The following ACO1 variants were observed in gnomAD, a reference collection of about 807,000 sequenced individuals.
ACO1 encodes the protein cytoplasmic aconitate hydratase.
A neutral mutation model predicts 105.1 loss-of-function variants in ACO1; 78 were observed. That is an observed-to-expected ratio of 0.74 (90% confidence interval 0.62 to 0.90). ACO1 has a LOEUF of 0.90. Ranked by LOEUF, ACO1 falls within the 40% of genes least tolerant of loss-of-function variation. The pLI is 0.00. For synonymous variants in ACO1, 364 were observed against 397.4 expected (o/e 0.92, Z 1.00); for missense variants, 965 against 1,111.1 (o/e 0.87, Z 1.87).
rs746948322 is a variant in ACO1 at position 32,425,960 on chromosome 9, C to T, written c.1311C>T (p.Cys437=). Residue 437 remains cysteine, a synonymous_variant, in exon 11 of 21, where the codon TGC becomes TGT. Coordinates refer to ENST00000309951, the MANE Select transcript of ACO1 (RefSeq NM_002197.3). The part of the protein sequence containing the change: ...GSVVIAAITS[C]TNTSNPSVML... ...TGGTCATTGCTGCCATTACTAGCTG[C>T]ACAAACACCAGTAATCCGTCTGTGA... 22 of 1,613,904 alleles carry T rather than the reference C, an allele frequency of 1.4e-5. No individual in the cohort carries two copies. The highest frequency in any genetic ancestry group is 1.6e-5 in the Non-Finnish European group (19 of 1,179,964).
At chr9:32,430,666 T>C (rs963448157) in intron 14 of ACO1, 92 bp downstream of exon 14, 9 of 1,365,536 alleles carry the variant, frequency 6.6e-6, no homozygotes, top group Non-Finnish European at 9.0e-6. Context: ...AAATGAAGCA[T>C]AGAGCCTCCA....
Position 32,451,104 on chromosome 9 carries a change from A to T in ACO1, c.*993A>T, listed in dbSNP as rs1822758543. 6.6e-6 allele frequency: 1 copy of T among 152,112 alleles called. No individual in the cohort carries two copies. Among genetic ancestry groups the T allele is most frequent in the Non-Finnish European group, 1.5e-5 (1 of 67,966 alleles). The allele number at this position is 152,112 out of a possible 1,614,324, so 9.4% of individuals were successfully genotyped here. On this transcript the variant is annotated 3_prime_UTR_variant, in exon 21 of 21. Transcript: ENST00000309951. Reference sequence around the variant, plus strand: ...TAAGGAAAAGCAGATAAACTTCAGGACACTAAAAACCAATTATCTGCTCAT... The same window carrying T: ...TAAGGAAAAGCAGATAAACTTCAGGTCACTAAAAACCAATTATCTGCTCAT...
rs149050504 is a variant in ACO1 at position 32,447,659 on chromosome 9, G to T, written c.2371-1237G>T. 4.0e-3 allele frequency among the ~76,000 whole-genome samples: 608 copies of T among 152,304 alleles called. 4 individuals carry two copies. Among genetic ancestry groups the T allele is most frequent in the African/African-American group, 0.014 (568 of 41,562 alleles). ...AGGAGAAGAGCCATTCTGGTTTTCGGAATGTTCAGCGTTTTTGTGCTGGTT... is the reference window on the plus strand; with the variant it reads ...AGGAGAAGAGCCATTCTGGTTTTCGTAATGTTCAGCGTTTTTGTGCTGGTT... On this transcript the variant is annotated intron_variant, in intron 19 of 20. Transcript: ENST00000309951.
rs568604156 is a variant in ACO1, at chr9:32,433,715, T to G, written c.1852-13T>G. 3 of 1,585,758 alleles carry G rather than the reference T, an allele frequency of 1.9e-6. No homozygotes were observed. In the South Asian group the frequency reaches 3.5e-5, roughly 18 times the overall value. ...GGGATGTGATTAGATCTGCCTTTCTTTTCTTTTTTAAGACTGTGAATGAAA... is the reference window on the plus strand; with the variant it reads ...GGGATGTGATTAGATCTGCCTTTCTGTTCTTTTTTAAGACTGTGAATGAAA... On this transcript the variant is annotated splice_polypyrimidine_tract_variant and intron_variant, in intron 15 of 20. Coordinates refer to ENST00000309951, the MANE Select transcript of ACO1 (RefSeq NM_002197.3).
In ACO1 at chr9:32,436,562, T is replaced by C. The variant is rs568383595; in HGVS notation, c.2247+165T>C. Among the ~76,000 whole-genome samples the C allele has an allele frequency of 2.6e-5, 4 of 152,350 alleles. No individual in the cohort carries two copies. The South Asian group carries it at 6.2e-4, about 24-fold the overall frequency. ...GTGTCCATATGCATAGAATGTATCA[T>C]TGACAAATTCAAACCTTTTCTTCTT... On this transcript the variant is annotated intron_variant, in intron 18 of 20. Transcript: ENST00000309951.
intron 1 of ACO1, among the ~76,000 whole-genome samples, chr9:32,390,515 A>G (rs142483316): frequency 3.3e-5 from 5 of 152,224 alleles, no homozygotes; most frequent in Non-Finnish European, 5.9e-5. Flanking sequence ...AAGAGAAGGA[A>G]TGTGTGCCTA....
At chr9:32,407,226 C>T in intron 2 of ACO1, 35 bp from the exon 3 acceptor site, 3 of 1,607,016 alleles carry the variant, frequency 1.9e-6, no homozygotes, top group African/African-American at 2.7e-5. Context: ...AGTTGTCTCA[C>T]AGGTTTTGTT....
At chr9:32,441,508 A>C (rs1822479171) in intron 19 of ACO1, among the ~76,000 whole-genome samples, 1 of 152,210 alleles carries the variant, frequency 6.6e-6, no homozygotes, top group Admixed American at 6.5e-5. Flanking sequence ...TTTGAACATC[A>C]CACCTATTAT....
chr9:32,401,342 T>C lies in ACO1; in HGVS notation c.-22-4143T>C, dbSNP rs1489458330. On this transcript the variant is annotated intron_variant, in intron 1 of 20. Coordinates refer to ENST00000309951, the MANE Select transcript of ACO1 (RefSeq NM_002197.3). ...TGAAAGATTTTAAGGGTTTTTTTTT[T>C]CCCCCTGAGGGAAATTTGCATTTCA... 9.4e-5 allele frequency among the ~76,000 whole-genome samples: 14 copies of C among 149,338 alleles called. No individual in the cohort carries two copies. In the East Asian group the frequency reaches 1.0e-3, roughly 11 times the overall value.
In ACO1 at chr9:32,436,290, G is replaced by C; in HGVS notation, c.2140G>C (p.Gly714Arg). The part of the protein sequence containing the change: ...REFNSYGSRR[G>R]NDAVMARGTF... ...ATTCAACTCCTATGGCTCCCGCCGA[G>C]GTAATGACGCCGTCATGGCACGGGG... Residue 714 changes from glycine (G) to arginine (R), a missense_variant, in exon 18 of 21, where the codon GGT becomes CGT. Transcript: ENST00000309951. 1.2e-6 allele frequency: 2 copies of C among 1,614,144 alleles called. No homozygotes were observed. The highest frequency in any genetic ancestry group is 1.7e-6 in the Non-Finnish European group (2 of 1,180,012).
At chr9:32,412,737 T>C (rs1821766292) in intron 4 of ACO1, among the ~76,000 whole-genome samples, 1 of 152,194 alleles carries the variant, frequency 6.6e-6, no homozygotes, top group Non-Finnish European at 1.5e-5. Flanking sequence ...TGGTTTCAAA[T>C]GGAAGAGTTT....
chr9:32,431,363 G>GT (rs1822231181), intron 14 of ACO1, among the ~76,000 whole-genome samples: 1 of 152,140 alleles, frequency 6.6e-6, no homozygotes, highest in African/African-American at 2.4e-5. Flanking sequence ...GTTCAAAATG[G>GT]TCCTTGAGCA....
In ACO1 at chr9:32,418,518, G is replaced by A; in HGVS notation, c.658+7G>A. 1.9e-6 allele frequency: 3 copies of A among 1,609,152 alleles called. No individual in the cohort carries two copies. Among genetic ancestry groups the A allele is most frequent in the South Asian group, 1.1e-5 (1 of 90,660 alleles). On this transcript the variant is annotated splice_region_variant and intron_variant, in intron 6 of 20. Coordinates refer to ENST00000309951, the MANE Select transcript of ACO1 (RefSeq NM_002197.3). ...TTGGGCATTCTTGGTTGGGGTGAGT[G>A]TTCTTCCATATATGCTGTTTTGGGG...
chr9:32,436,018 T>C (rs569586390), intron 17 of ACO1: 54 of 673,750 alleles, frequency 8.0e-5, no homozygotes, highest in South Asian at 8.0e-4. Context: ...GAAAGACAAT[T>C]AACCCAGGAG....
At chr9:32,449,923 G>A (rs1822718644) in intron 20 of ACO1, 75 bp from the exon 21 acceptor site, 1 of 1,180,342 alleles carries the variant, frequency 8.5e-7, no homozygotes, top group East Asian at 2.3e-5. Context: ...TGAGGGGCAG[G>A]CTGGGCAGAA....
intron 2 of ACO1, among the ~76,000 whole-genome samples, chr9:32,406,282 TA>T (rs1406962833): frequency 8.4e-6 from 1 of 118,680 alleles, no homozygotes; most frequent in Non-Finnish European, 1.7e-5. Flanking sequence ...TCATAAGGAC[TA>T]TTACTCTGTG....
chr9:32,435,345 G>C (rs570595395), intron 17 of ACO1, among the ~76,000 whole-genome samples: 6 of 152,068 alleles, frequency 3.9e-5, no homozygotes, highest in African/African-American at 1.4e-4. Context: ...TCTATTGATT[G>C]TTGAGCCCTT....
At chr9:32,435,497 A>C (rs1822335664) in intron 17 of ACO1, among the ~76,000 whole-genome samples, 1 of 152,198 alleles carries the variant, frequency 6.6e-6, no homozygotes, top group Non-Finnish European at 1.5e-5. Context: ...AAACTCTCTC[A>C]GTCCTTAAAT....
At chr9:32,419,291 A>C in intron 7 of ACO1, 114 bp downstream of exon 7, 1 of 1,179,704 alleles carries the variant, frequency 8.5e-7, no homozygotes. Context: ...CAATGCAAGG[A>C]AACAAGGTTG....
Sources: allele counts gnomAD v4.1 joint callset (sites outside exome capture counted in the v4.1 genomes callset), GRCh38; gene constraint gnomAD v4.1.1; transcripts MANE v1.5; gene names NCBI Gene and HGNC (gene_info 2026-07-23, HGNC 2026-07-21).